The following DNER variants were observed in gnomAD, a reference collection of about 807,000 sequenced individuals.
DNER encodes the protein delta and Notch-like epidermal growth factor-related receptor.
A neutral mutation model predicts 78.2 loss-of-function variants in DNER; 33 were observed. The ratio of observed to expected loss-of-function variants is 0.42; its 90% CI spans 0.32 to 0.56. The LOEUF is 0.56. DNER is among the 20% of genes least tolerant of loss of function. The probability of loss-of-function intolerance (pLI) is 0.11; values close to 1 mark genes in which losing one functional copy is unlikely to be tolerated. For synonymous variants in DNER, 417 were observed against 384.8 expected (o/e 1.08, Z -0.98); for missense variants, 918 against 975.3 (o/e 0.94, Z 0.78).
At chr2:229,552,585 T>C (rs1696767861) in intron 4 of DNER, among the ~76,000 whole-genome samples, 1 of 152,148 alleles carries the variant, frequency 6.6e-6, no homozygotes, top group Admixed American at 6.5e-5. Context: ...TCCCCCTTTT[T>C]CTCAGCACTT....
intron 1 of DNER, among the ~76,000 whole-genome samples, chr2:229,696,643 T>C (rs1224826908): frequency 6.6e-6 from 1 of 152,138 alleles, no homozygotes; most frequent in East Asian, 1.9e-4. Flanking sequence ...GCAGCATTCA[T>C]GGCCTAGGCT....
chr2:229,438,538 A>G (rs1029528779), intron 8 of DNER, among the ~76,000 whole-genome samples: 28 of 152,230 alleles, frequency 1.8e-4, no homozygotes, highest in African/African-American at 6.5e-4. Context: ...AAGTAAGAGA[A>G]AATAAGTGTC....
chr2:229,607,485 A>G (rs1697960536), intron 1 of DNER, among the ~76,000 whole-genome samples: 1 of 152,206 alleles, frequency 6.6e-6, no homozygotes, highest in African/African-American at 2.4e-5. Context: ...TACAATTCCA[A>G]TCAAAATCCC....
Position 229,582,944 on chromosome 2 carries a change from T to C in DNER, c.847+2914A>G, listed in dbSNP as rs546354122. ...ACGAGCCACCGCGCCTGACCTAATA[T>C]ATCAAAGTTTTAAAGATTATTCCCA... On this transcript the variant is annotated intron_variant, in intron 4 of 12. Transcript: ENST00000341772. Among the ~76,000 whole-genome samples, 75 of 152,302 alleles carry C rather than the reference T, an allele frequency of 4.9e-4. 1 individual carries two copies. Among genetic ancestry groups the C allele is most frequent in the Non-Finnish European group, 6.0e-4 (41 of 68,024 alleles).
At chr2:229,708,819 A>G (rs1382327821) in intron 1 of DNER, among the ~76,000 whole-genome samples, 1 of 152,250 alleles carries the variant, frequency 6.6e-6, no homozygotes, top group Non-Finnish European at 1.5e-5. Context: ...GCAAGAATGC[A>G]GTGCACGAAA....
chr2:229,452,404 C>T (rs1373317668), intron 7 of DNER, among the ~76,000 whole-genome samples: 4 of 151,960 alleles, frequency 2.6e-5, no homozygotes, highest in Admixed American at 1.3e-4. Context: ...AGCAGGACTC[C>T]GGTAGATAAT....
At chr2:229,531,679 A>G (rs1486625986) in intron 5 of DNER, among the ~76,000 whole-genome samples, 3 of 152,254 alleles carry the variant, frequency 2.0e-5, no homozygotes, top group Admixed American at 6.5e-5. Flanking sequence ...AAAAGAACTG[A>G]AAACAAGGAC....
At position 229,591,625 on chromosome 2, in the gene DNER, C is replaced by A; in HGVS notation, c.540G>T (p.Pro180=). 1 of 1,614,134 alleles carries A rather than the reference C, an allele frequency of 6.2e-7. No homozygotes were observed. The change falls in exon 2 of 13, where the codon CCG becomes CCT. Residue 180 remains proline (P), a synonymous_variant. Transcript: ENST00000341772. This position sits in a 1 kb window ranked among gnomAD's most constrained non-coding sequence, Gnocchi z 4.6. The part of the protein sequence containing the change: ...QATVTLPTWQ[P]KTGQKVVEMK... Reference sequence around the variant, plus strand: ...TTTCTACAACTTTCTGCCCTGTTTTCGGCTGCCAGGTAGGCAGTGTCACCG... The same window carrying A: ...TTTCTACAACTTTCTGCCCTGTTTTAGGCTGCCAGGTAGGCAGTGTCACCG...
Position 229,366,893 on chromosome 2 carries a change from A to G in DNER, c.2082T>C (p.Ile694=). The G allele has an allele frequency of 6.2e-7, 1 of 1,614,180 alleles. No individual in the cohort carries two copies. The highest frequency in any genetic ancestry group is 1.3e-5 in the African/African-American group (1 of 75,060). ...RSIDSEFSNA[I]ASIRHARFGK... is the part of the protein sequence containing the mutation. Reference sequence around the variant, plus strand: ...CCAACCTGGCATGCCGGATGGATGCAATGGCATTGCTGAACTCGCTGTCGA... The same window carrying G: ...CCAACCTGGCATGCCGGATGGATGCGATGGCATTGCTGAACTCGCTGTCGA... The change falls in exon 12 of 13, where the codon ATT becomes ATC. Residue 694 remains isoleucine (I), a synonymous_variant. Coordinates refer to ENST00000341772, the MANE Select transcript of DNER (RefSeq NM_139072.4).
intron 1 of DNER, among the ~76,000 whole-genome samples, chr2:229,611,314 G>A (rs1443238253): frequency 6.6e-6 from 1 of 152,114 alleles, no homozygotes; most frequent in Non-Finnish European, 1.5e-5. Context: ...TTGGCCTGAA[G>A]CACTATAAAA....
chr2:229,698,842 G>A (rs577737615), intron 1 of DNER, among the ~76,000 whole-genome samples: 1 of 152,172 alleles, frequency 6.6e-6, no homozygotes. Context: ...CTCTCATTAT[G>A]AGGCTTTTCT....
intron 1 of DNER, among the ~76,000 whole-genome samples, chr2:229,645,425 A>G (rs1220155333): frequency 6.6e-6 from 1 of 152,246 alleles, no homozygotes; most frequent in African/African-American, 2.4e-5. Flanking sequence ...ACAACATTGT[A>G]GATCCCTCTC....
At chr2:229,651,216 A>T (rs1698811201) in intron 1 of DNER, among the ~76,000 whole-genome samples, 1 of 152,112 alleles carries the variant, frequency 6.6e-6, no homozygotes, top group African/African-American at 2.4e-5. Context: ...TTTCATCTTC[A>T]TTTCAGCAAG....
chr2:229,426,459 A>AAG (rs1693880946), intron 8 of DNER, among the ~76,000 whole-genome samples: 1 of 151,252 alleles, frequency 6.6e-6, no homozygotes, highest in South Asian at 2.1e-4. Context: ...AAAAAAAAAA[A>AAG]AAAAAGATAT....
chr2:229,643,869 T>A (rs1698669191), intron 1 of DNER, among the ~76,000 whole-genome samples: 1 of 152,238 alleles, frequency 6.6e-6, no homozygotes, highest in Non-Finnish European at 1.5e-5. Flanking sequence ...TTCTTTTTAA[T>A]TTCTCAGAGT....
At chr2:229,501,802 T>A (rs1695629296) in intron 6 of DNER, among the ~76,000 whole-genome samples, 1 of 152,234 alleles carries the variant, frequency 6.6e-6, no homozygotes, top group Admixed American at 6.5e-5. Flanking sequence ...AATTAATTGA[T>A]ATTAATTAAT....
intron 7 of DNER, among the ~76,000 whole-genome samples, chr2:229,452,785 G>A (rs574698312): frequency 2.0e-5 from 3 of 151,724 alleles, no homozygotes; most frequent in Admixed American, 6.6e-5. Context: ...TTGCCACCAC[G>A]CCCAGCTAAT....
chr2:229,576,801 C>T (rs542745393), intron 4 of DNER, among the ~76,000 whole-genome samples: 3 of 151,406 alleles, frequency 2.0e-5, no homozygotes, highest in Admixed American at 6.6e-5. Context: ...ACGCCAGCTA[C>T]ACGGAGAAGA....
chr2:229,714,248 C>T lies in DNER; in HGVS notation c.176G>A (p.Cys59Tyr). 1 of 1,418,432 alleles carries T rather than the reference C, an allele frequency of 7.1e-7. No individual in the cohort carries two copies. Among genetic ancestry groups the T allele is most frequent in the Non-Finnish European group, 9.2e-7 (1 of 1,088,686 alleles). 87.9% of individuals were successfully genotyped at this position (1,418,432 alleles called of 1,614,324 possible). The stretch of plus-strand genomic sequence containing the variant: ...CGGGTCCGGCTCAGGGCGCGAGGTG[C>T]ACACACCCCCATTCCGGCAGGGCTG... ...AAQPCRNGGV[C>Y]TSRPEPDPQH... Residue 59 changes from cysteine (C) to tyrosine (Y), a missense_variant, in exon 1 of 13, where the codon TGC becomes TAC. Coordinates refer to ENST00000341772, the MANE Select transcript of DNER (RefSeq NM_139072.4).
Sources: allele counts gnomAD v4.1 joint callset (sites outside exome capture counted in the v4.1 genomes callset), GRCh38; gene constraint gnomAD v4.1.1; non-coding constraint Gnocchi (gnomAD v3.1); transcripts MANE v1.5; gene names NCBI Gene and HGNC (gene_info 2026-07-23, HGNC 2026-07-21).